RNLS: variants seen among roughly 807,000 people sequenced by gnomAD.
RNLS encodes renalase, FAD dependent amine oxidase.
Under a neutral mutation model 39.8 loss-of-function variants are expected in RNLS, and 39 were observed. That is an observed-to-expected ratio of 0.98 (90% CI 0.76 to 1.28). RNLS has a LOEUF of 1.28. Ranked by LOEUF, RNLS falls within the 50% of genes most tolerant of loss-of-function variation. The pLI, the probability that RNLS is intolerant of heterozygous loss-of-function variation, is 0.00. For synonymous variants in RNLS, 147 were observed against 150.7 expected, an observed-to-expected ratio of 0.98 and a Z score of 0.18; for missense variants, 410 against 413.3, an observed-to-expected ratio of 0.99 and a Z score of 0.07.
At chr10:88,220,693 G>A in the RNLS span, among the ~76,000 whole-genome samples, 1 of 152,138 alleles carries the variant, frequency 6.6e-6, no homozygotes, top group Non-Finnish European at 1.5e-5. Context: ...AGGGCTTCTC[G>A]CTCCTGCCCT....
At chr10:88,222,755 A>T in the RNLS span, among the ~76,000 whole-genome samples, 1 of 152,160 alleles carries the variant, frequency 6.6e-6, no homozygotes, top group Non-Finnish European at 1.5e-5. Context: ...ATATGACAGG[A>T]TCTGTCCACA....
At chr10:88,568,503 T>A (rs1849645953) in intron 4 of RNLS, among the ~76,000 whole-genome samples, 1 of 152,048 alleles carries the variant, frequency 6.6e-6, no homozygotes, top group Non-Finnish European at 1.5e-5. Flanking sequence ...TTAAAGCTAT[T>A]TTTTTGTGTG....
chr10:88,437,598 T>C (rs1289872832), intron 4 of RNLS, among the ~76,000 whole-genome samples: 1 of 152,182 alleles, frequency 6.6e-6, no homozygotes, highest in Non-Finnish European at 1.5e-5. Flanking sequence ...TTCCACACCC[T>C]GTTTTCAAAT....
the RNLS span, among the ~76,000 whole-genome samples, chr10:88,200,517 G>C: frequency 1.1e-4 from 16 of 152,312 alleles, no homozygotes; most frequent in African/African-American, 3.8e-4. Flanking sequence ...TCTTACTGCT[G>C]TAGTGCTTTG....
At chr10:88,181,489 T>C in the RNLS span, among the ~76,000 whole-genome samples, 5 of 152,284 alleles carry the variant, frequency 3.3e-5, no homozygotes, top group African/African-American at 1.2e-4. Flanking sequence ...CCTGTGGTAA[T>C]GTGTTATATG....
chr10:88,189,305 T>C, the RNLS span, among the ~76,000 whole-genome samples: 1 of 152,328 alleles, frequency 6.6e-6, no homozygotes, highest in African/African-American at 2.4e-5. Context: ...ATTCATCTTA[T>C]AATTATTCAC....
the RNLS span, among the ~76,000 whole-genome samples, chr10:88,179,968 A>G: frequency 6.6e-6 from 1 of 152,264 alleles, no homozygotes; most frequent in Non-Finnish European, 1.5e-5. Flanking sequence ...GGAATGCACC[A>G]TATGATTGTT....
the RNLS span, among the ~76,000 whole-genome samples, chr10:88,228,571 A>G: frequency 6.6e-6 from 1 of 152,134 alleles, no homozygotes; most frequent in Admixed American, 6.6e-5. Context: ...TTCCACAACA[A>G]CTTCCATAAG....
intron 4 of RNLS, among the ~76,000 whole-genome samples, chr10:88,486,884 T>A (rs1844559229): frequency 1.3e-5 from 2 of 152,150 alleles, no homozygotes; most frequent in African/African-American, 4.8e-5. Flanking sequence ...AGAATATAAA[T>A]CATTCTACCA....
rs540268548 is a variant in RNLS, at chr10:88,502,989, G to C, written c.526+69914C>G. Among the ~76,000 whole-genome samples the C allele has an allele frequency of 5.9e-5, 9 of 152,016 alleles. No homozygotes were observed. In the South Asian group the frequency reaches 1.7e-3, roughly 28 times the overall value. On this transcript the variant is annotated intron_variant, in intron 4 of 6. Coordinates refer to ENST00000331772, the MANE Select transcript of RNLS (RefSeq NM_001031709.3). ...GATTAAATACCACTGTGATTCCCCA[G>C]GTACTGGCCCATCACCCAGCTTCAC... is the stretch of plus-strand genomic sequence containing the variant.
rs560799150 is a variant in RNLS at position 88,302,011 on chromosome 10, T to C, written c.876+12455A>G. ...CCTCTTATTACTACTACTGGTAATA[T>C]TAATTGATAACTTGCTTTGTACTAA... On this transcript the variant is annotated intron_variant, in intron 6 of 6. Transcript: ENST00000331772. Among the ~76,000 whole-genome samples, 11 of 152,340 alleles carry C rather than the reference T, an allele frequency of 7.2e-5. 1 individual carries two copies. In the South Asian group the frequency reaches 2.1e-3, roughly 29 times the overall value.
At chr10:88,496,034 T>G (rs2134085768) in intron 4 of RNLS, among the ~76,000 whole-genome samples, 1 of 152,166 alleles carries the variant, frequency 6.6e-6, no homozygotes, top group African/African-American at 2.4e-5. Flanking sequence ...AACTTGTCTG[T>G]TTTGCTTTCC....
chr10:88,247,218 T>C, the RNLS span, among the ~76,000 whole-genome samples: 1 of 152,108 alleles, frequency 6.6e-6, no homozygotes, highest in African/African-American at 2.4e-5. Context: ...AGGGCAGAAA[T>C]GCACACAAAT....
intron 5 of RNLS, among the ~76,000 whole-genome samples, chr10:88,349,312 C>G (rs1848515212): frequency 6.6e-6 from 1 of 152,122 alleles, no homozygotes; most frequent in Non-Finnish European, 1.5e-5. Context: ...AGTGAGAGGG[C>G]AAATGTTGTC....
chr10:88,338,971 C>T (rs2133208860), intron 5 of RNLS, among the ~76,000 whole-genome samples: 1 of 152,218 alleles, frequency 6.6e-6, no homozygotes, highest in East Asian at 1.9e-4. Flanking sequence ...CCGTGTTAGC[C>T]AGGATGGTCT....
At chr10:88,477,016 T>G (rs543687502) in intron 4 of RNLS, among the ~76,000 whole-genome samples, 5 of 152,154 alleles carry the variant, frequency 3.3e-5, no homozygotes, top group African/African-American at 1.2e-4. Context: ...AGTGTGGCCT[T>G]TTTTTTTCAA....
intron 4 of RNLS, among the ~76,000 whole-genome samples, chr10:88,444,167 ATTC>A (rs1841901265): frequency 6.6e-6 from 1 of 152,210 alleles, no homozygotes; most frequent in African/African-American, 2.4e-5. Context: ...GATCAGCAAT[ATTC>A]GCTGTTCTGC....
chr10:88,443,861 G>A (rs1841874975), intron 4 of RNLS, among the ~76,000 whole-genome samples: 1 of 152,246 alleles, frequency 6.6e-6, no homozygotes, highest in Non-Finnish European at 1.5e-5. Context: ...AGCTCAAGGA[G>A]GCCTGCCTGC....
At chr10:88,572,506 A>C (rs1849896555) in intron 4 of RNLS, among the ~76,000 whole-genome samples, 1 of 152,218 alleles carries the variant, frequency 6.6e-6, no homozygotes, top group African/African-American at 2.4e-5. Context: ...TGCCTCAGAC[A>C]GAAGTAAACA....
Sources: gnomAD v4.1 joint callset for allele counts (sites outside exome capture counted in the v4.1 genomes callset) on GRCh38, gnomAD v4.1.1 for gene constraint, MANE v1.5 for transcripts, NCBI Gene and HGNC (gene_info 2026-07-23, HGNC 2026-07-21) for gene names.